Variants in ZNF439 observed in about 807,000 individuals in gnomAD.
ZNF439 encodes the protein zinc finger protein 439.
Under a neutral mutation model 47.3 loss-of-function variants are expected in ZNF439, and 40 were observed. The observed-to-expected ratio is 0.85, with a 90% confidence interval of 0.66 to 1.10. The LOEUF is 1.10. Among genes scored for constraint, ZNF439 ranks in the 50% least tolerant of loss-of-function variants. The pLI, the probability that ZNF439 is intolerant of heterozygous loss-of-function variation, is 0.00. For missense variants in ZNF439, 556 were observed against 601.1 expected (o/e 0.93, Z 0.78); for synonymous variants, 171 against 198.8 (o/e 0.86, Z 1.18).
chr19:11,868,541 A>G lies in ZNF439; in HGVS notation c.1487A>G (p.Lys496Arg). Residue 496 changes from lysine (K) to arginine (R), a missense_variant, in exon 4 of 4, where the codon AAG becomes AGG. Transcript: ENST00000682736. ...FRFHERTQTH[K>R]NALWRKTL is the part of the protein sequence containing the mutation. ...TTTCATGAAAGGACACAAACACATA[A>G]GAATGCACTCTGGAGAAAGACCTTA... The G allele has an allele frequency of 6.2e-7, 1 of 1,611,550 alleles. No individual in the cohort carries two copies. Among genetic ancestry groups the G allele is most frequent in the African/African-American group, 1.3e-5 (1 of 74,768 alleles).
chr19:11,865,346 T>C (rs376110256), intron 1 of ZNF439, among the ~76,000 whole-genome samples: 2 of 151,634 alleles, frequency 1.3e-5, no homozygotes, highest in East Asian at 3.9e-4. Flanking sequence ...TCTAGCTACA[T>C]TCTGACAGGA....
intron 1 of ZNF439, among the ~76,000 whole-genome samples, chr19:11,861,365 G>C (rs1976535823): frequency 6.6e-6 from 1 of 152,136 alleles, no homozygotes; most frequent in Non-Finnish European, 1.5e-5. Flanking sequence ...CTGGTTTTGG[G>C]TTTTAGAACT....
At chr19:11,858,447 CA>C (rs1976451697) in intron 1 of ZNF439, 1 of 141,898 alleles carries the variant, frequency 7.0e-6, no homozygotes, top group Non-Finnish European at 1.5e-5. Context: ...GCCTGGGCGA[CA>C]GAGCGAGACT....
In ZNF439 at chr19:11,868,103, T is replaced by A; in HGVS notation, c.1049T>A (p.Ile350Lys). 1 of 1,614,126 alleles carries A rather than the reference T, an allele frequency of 6.2e-7. No homozygotes were observed. The highest frequency in any genetic ancestry group is 8.5e-7 in the Non-Finnish European group (1 of 1,180,024). Reference protein sequence around the residue: ...LSSLTSFQTHIRMHSGERPYE... With the variant: ...LSSLTSFQTHKRMHSGERPYE... Reference sequence around the variant, plus strand: ...TCTCTTACAAGTTTTCAAACACACATAAGAATGCACTCTGGAGAAAGACCT... The same window carrying A: ...TCTCTTACAAGTTTTCAAACACACAAAAGAATGCACTCTGGAGAAAGACCT... The change falls in exon 4 of 4, where the codon ATA (isoleucine) becomes AAA (lysine). Residue 350 changes from isoleucine to lysine, a missense_variant. Ile to Lys is a moderately radical substitution (Grantham distance 102, BLOSUM62 -3). Transcript: ENST00000682736.
chr19:11,864,546 C>T (rs1002955192), intron 1 of ZNF439, among the ~76,000 whole-genome samples: 6 of 152,180 alleles, frequency 3.9e-5, no homozygotes, highest in Non-Finnish European at 7.3e-5. Context: ...AACCACCTAC[C>T]TTGGCCTCCT....
chr19:11,861,295 C>T (rs761826833), intron 1 of ZNF439, among the ~76,000 whole-genome samples: 5 of 152,138 alleles, frequency 3.3e-5, no homozygotes, highest in Non-Finnish European at 7.3e-5. Flanking sequence ...CTTTGGGATG[C>T]GGTTCCTTTC....
At position 11,867,345 on chromosome 19, in the gene ZNF439, C is replaced by T. The variant is rs1454502574; in HGVS notation, c.291C>T (p.Asp97=). The change falls in exon 4 of 4, where the codon GAC becomes GAT. Residue 97 remains aspartate, a synonymous_variant. Transcript: ENST00000682736. ...AGAAAGTCAATGAAATTAAAGAAGA[C>T]AGTCATTGTGGAGAAACTTTTACCC... is the stretch of plus-strand genomic sequence containing the variant. ...TEEKVNEIKE[D]SHCGETFTPV... is the part of the protein sequence containing the mutation. 6.2e-7 allele frequency: 1 copy of T among 1,613,372 alleles called. No individual in the cohort carries two copies. Among genetic ancestry groups the T allele is most frequent in the African/African-American group, 1.3e-5 (1 of 74,874 alleles).
At chr19:11,853,452 G>A (rs756967738) in intron 1 of ZNF439, among the ~76,000 whole-genome samples, 1 of 152,142 alleles carries the variant, frequency 6.6e-6, no homozygotes, top group South Asian at 2.1e-4. Flanking sequence ...AGAGAGAAGC[G>A]GGTGGTTGTA....
At chr19:11,862,144 A>G (rs2145174755) in intron 1 of ZNF439, among the ~76,000 whole-genome samples, 1 of 152,316 alleles carries the variant, frequency 6.6e-6, no homozygotes, top group African/African-American at 2.4e-5. Flanking sequence ...TCCCAAGCTC[A>G]GGTGATCCTC....
At chr19:11,859,223 C>T (rs1402273046) in intron 1 of ZNF439, among the ~76,000 whole-genome samples, 2 of 152,184 alleles carry the variant, frequency 1.3e-5, no homozygotes, top group Non-Finnish European at 2.9e-5. Context: ...GCAACCCTTG[C>T]GTGATATGTA....
At chr19:11,862,373 G>T (rs919104016) in intron 1 of ZNF439, among the ~76,000 whole-genome samples, 2 of 151,794 alleles carry the variant, frequency 1.3e-5, no homozygotes, top group African/African-American at 2.4e-5. Context: ...CTTGAGGCCA[G>T]CAGTTAGAGA....
rs1464492770 is a variant in ZNF439 at position 11,848,941 on chromosome 19, T to G, written c.63+11T>G. 6.4e-7 allele frequency: 1 copy of G among 1,553,896 alleles called. No homozygotes were observed. The highest frequency in any genetic ancestry group is 2.4e-5 in the East Asian group (1 of 41,116). ...GAAAGCCGGGAAATGGTGCGTGTGC[T>G]GGCCGGGAGTGGTGCGATGGGGGAG... On this transcript the variant is annotated intron_variant, in intron 1 of 3. Coordinates refer to ENST00000682736, the MANE Select transcript of ZNF439 (RefSeq NM_001348719.2).
At chr19:11,849,266 C>A in intron 1 of ZNF439, 3 of 1,013,820 alleles carry the variant, frequency 3.0e-6, no homozygotes, top group Non-Finnish European at 3.5e-6. Context: ...GAGCAGCGGT[C>A]TGTGGGGCCC....
intron 1 of ZNF439, 174 bp downstream of exon 1, chr19:11,849,104 G>A: frequency 1.7e-6 from 2 of 1,180,588 alleles, no homozygotes; most frequent in Non-Finnish European, 2.1e-6. Flanking sequence ...GACTCCGGGC[G>A]TCCTGTCCCG....
intron 1 of ZNF439, chr19:11,865,952 C>G: frequency 2.6e-6 from 3 of 1,154,438 alleles, no homozygotes; most frequent in Non-Finnish European, 3.3e-6. Flanking sequence ...ACTTGAACCC[C>G]GGCAGTGAGC....
intron 1 of ZNF439, chr19:11,865,853 C>G (rs952755449): frequency 3.8e-6 from 1 of 263,898 alleles, no homozygotes; most frequent in Non-Finnish European, 6.5e-6. Context: ...CATGGAGAAA[C>G]CCTGTCTCTA....
intron 1 of ZNF439, among the ~76,000 whole-genome samples, chr19:11,852,183 T>C (rs1437663768): frequency 2.0e-5 from 3 of 152,120 alleles, no homozygotes; most frequent in African/African-American, 7.2e-5. Flanking sequence ...CCCAGCACTT[T>C]GGGAGGCTGA....
intron 1 of ZNF439, among the ~76,000 whole-genome samples, chr19:11,864,732 C>T (rs1171427312): frequency 6.6e-6 from 1 of 152,000 alleles, no homozygotes; most frequent in Non-Finnish European, 1.5e-5. Flanking sequence ...TTGTATTTTG[C>T]CTTTTGCAAT....
chr19:11,868,113 C>A lies in ZNF439; in HGVS notation c.1059C>A (p.His353Gln), dbSNP rs780068996. The A allele has an allele frequency of 2.5e-6, 4 of 1,614,106 alleles. No homozygotes were observed. The East Asian group carries it at 8.9e-5, about 36-fold the overall frequency. The change falls in exon 4 of 4, where the codon CAC becomes CAA. Residue 353 changes from histidine (H) to glutamine (Q), a missense_variant. Coordinates refer to ENST00000682736, the MANE Select transcript of ZNF439 (RefSeq NM_001348719.2). ...LTSFQTHIRM[H>Q]SGERPYECKT... ...GTTTTCAAACACACATAAGAATGCA[C>A]TCTGGAGAAAGACCTTATGAATGTA...
Sources: allele counts gnomAD v4.1 joint callset (sites outside exome capture counted in the v4.1 genomes callset), GRCh38; gene constraint gnomAD v4.1.1; transcripts MANE v1.5; gene names NCBI Gene and HGNC (gene_info 2026-07-23, HGNC 2026-07-21).